NIPAL2: variants seen among roughly 807,000 people sequenced by gnomAD.
NIPAL2 encodes NIPA like domain containing 2.
NIPAL2 carries 43 observed loss-of-function variants against 48.9 expected under a neutral mutation model. The ratio of observed to expected loss-of-function variants is 0.88; its 90% confidence interval spans 0.69 to 1.13. NIPAL2 has a LOEUF of 1.13. NIPAL2 is among the 50% of genes most tolerant of loss of function. NIPAL2 has a pLI of 0.00. For synonymous variants in NIPAL2, 167 were observed against 174.6 expected, an observed-to-expected ratio of 0.96 and a Z score of 0.34; for missense variants, 446 against 461.4, an observed-to-expected ratio of 0.97 and a Z score of 0.31.
intron 1 of NIPAL2, among the ~76,000 whole-genome samples, chr8:98,273,631 T>C (rs191667117): frequency 4.6e-5 from 7 of 152,280 alleles, no homozygotes; most frequent in Admixed American, 3.9e-4. Flanking sequence ...GCTATTGCTA[T>C]TTCAGTCTCT....
intron 1 of NIPAL2, among the ~76,000 whole-genome samples, chr8:98,260,749 G>C (rs190508445): frequency 9.2e-5 from 14 of 152,224 alleles, no homozygotes; most frequent in Admixed American, 2.6e-4. Flanking sequence ...CAAAGCAGCC[G>C]GGAAGCTCCA....
At chr8:98,293,928 G>A in intron 1 of NIPAL2, 75 bp downstream of exon 1, 1 of 1,293,698 alleles carries the variant, frequency 7.7e-7, no homozygotes, top group Non-Finnish European at 9.9e-7. Flanking sequence ...AAGCGGCCGA[G>A]GCGCAGAGGC....
chr8:98,238,285 G>T (rs952633595), intron 3 of NIPAL2, among the ~76,000 whole-genome samples: 44 of 152,110 alleles, frequency 2.9e-4, no homozygotes, highest in African/African-American at 9.9e-4. Context: ...TAAAAGTACA[G>T]GAAAGAAAAG....
chr8:98,231,012 G>C (rs931134413), intron 4 of NIPAL2, among the ~76,000 whole-genome samples: 10 of 152,316 alleles, frequency 6.6e-5, no homozygotes, highest in African/African-American at 2.4e-4. Flanking sequence ...GACTGCAAGG[G>C]AAAGATTGCA....
At chr8:98,254,916 CCTT>C (rs1813788298) in intron 1 of NIPAL2, among the ~76,000 whole-genome samples, 1 of 152,244 alleles carries the variant, frequency 6.6e-6, no homozygotes, top group Admixed American at 6.5e-5. Context: ...AGGTACATCT[CCTT>C]GAGACCTCCT....
intron 9 of NIPAL2, 176 bp downstream of exon 9, chr8:98,195,766 A>G (rs1026589264): frequency 6.0e-6 from 3 of 499,098 alleles, no homozygotes; most frequent in South Asian, 2.1e-5. Flanking sequence ...TCACAAAGCC[A>G]AAGACGCTGA....
chr8:98,252,729 G>T, intron 2 of NIPAL2, 95 bp from the exon 3 acceptor site: 2 of 1,025,770 alleles, frequency 1.9e-6, no homozygotes, highest in African/African-American at 1.7e-5. Flanking sequence ...CTTTTTATAA[G>T]AACGCTAATT....
intron 4 of NIPAL2, among the ~76,000 whole-genome samples, chr8:98,230,571 A>T (rs1305773029): frequency 6.6e-6 from 1 of 152,184 alleles, no homozygotes; most frequent in East Asian, 1.9e-4. Context: ...TTTATATTGC[A>T]CTGAAGTAGT....
intron 1 of NIPAL2, among the ~76,000 whole-genome samples, chr8:98,258,983 T>C (rs1814086023): frequency 6.6e-6 from 1 of 151,444 alleles, no homozygotes; most frequent in African/African-American, 2.4e-5. Flanking sequence ...ATTTCTTGGC[T>C]ATGACACCAA....
At position 98,293,997 on chromosome 8, in the gene NIPAL2, C is replaced by G. The variant is rs1040921264; in HGVS notation, c.135+6G>C. The G allele has an allele frequency of 1.3e-6, 2 of 1,481,800 alleles. No individual in the cohort carries two copies. Among genetic ancestry groups the G allele is most frequent in the East Asian group, 3.0e-5 (1 of 33,500 alleles). The allele number at this position is 1,481,800 out of a possible 1,614,324, so 91.8% of individuals were successfully genotyped here. A position where few individuals can be genotyped will look rare whatever the true frequency, so the allele number is the denominator to read the frequency against. On this transcript the variant is annotated splice_donor_region_variant and intron_variant, in intron 1 of 10. Transcript: ENST00000430223. Reference sequence around the variant, plus strand: ...CGGGCTGCGGTGGCTGCGGGGCGGCCCTTACCTGGTTCCTGCGGTACCAGT... The same window carrying G: ...CGGGCTGCGGTGGCTGCGGGGCGGCGCTTACCTGGTTCCTGCGGTACCAGT...
chr8:98,260,919 C>A (rs1314366653), intron 1 of NIPAL2, among the ~76,000 whole-genome samples: 2 of 151,892 alleles, frequency 1.3e-5, no homozygotes, highest in Non-Finnish European at 2.9e-5. Context: ...TCCCAGCACG[C>A]AGCTGGAGAT....
chr8:98,196,613 T>C (rs909285962), intron 8 of NIPAL2, among the ~76,000 whole-genome samples: 2 of 152,260 alleles, frequency 1.3e-5, no homozygotes, highest in African/African-American at 2.4e-5. Context: ...ATCATCTACT[T>C]TGATGAACTT....
chr8:98,195,975 G>T lies in NIPAL2; in HGVS notation c.911C>A (p.Ala304Asp). The T allele has an allele frequency of 6.3e-7, 1 of 1,589,074 alleles. No individual in the cohort carries two copies. The highest frequency in any genetic ancestry group is 8.6e-7 in the Non-Finnish European group (1 of 1,161,746). Residue 304 changes from alanine (A) to aspartate (D), a missense_variant, in exon 9 of 11, where the codon GCT becomes GAT. Transcript: ENST00000430223. ...GIIFYQEFLG[A>D]PFLTVFIYLF... Reference sequence around the variant, plus strand: ...ATATATAAATACAGTGAGAAAAGGAGCACCAAGGAATTCCTGATAAAATAT... The same window carrying T: ...ATATATAAATACAGTGAGAAAAGGATCACCAAGGAATTCCTGATAAAATAT...
chr8:98,291,580 A>G (rs1816490729), intron 1 of NIPAL2, among the ~76,000 whole-genome samples: 1 of 152,218 alleles, frequency 6.6e-6, no homozygotes, highest in African/African-American at 2.4e-5. Flanking sequence ...TCACAGAAGG[A>G]AGAGTTTGGG....
intron 3 of NIPAL2, among the ~76,000 whole-genome samples, chr8:98,250,102 A>T (rs1454015520): frequency 6.6e-6 from 1 of 152,148 alleles, no homozygotes; most frequent in East Asian, 1.9e-4. Context: ...GGATTTTAAT[A>T]GTCTCTCTCT....
intron 1 of NIPAL2, among the ~76,000 whole-genome samples, chr8:98,264,861 C>T (rs1354273812): frequency 1.3e-5 from 2 of 152,026 alleles, no homozygotes; most frequent in Non-Finnish European, 2.9e-5. Flanking sequence ...GGAGGCATCA[C>T]ACTACCTGAC....
intron 8 of NIPAL2, among the ~76,000 whole-genome samples, chr8:98,199,689 C>A (rs971149678): frequency 1.3e-5 from 2 of 152,040 alleles, no homozygotes; most frequent in African/African-American, 4.8e-5. Flanking sequence ...TGAAATAATG[C>A]AAGAATTACT....
At chr8:98,202,210 A>C (rs1025284231) in intron 8 of NIPAL2, among the ~76,000 whole-genome samples, 8 of 152,230 alleles carry the variant, frequency 5.3e-5, no homozygotes, top group Non-Finnish European at 1.5e-5. Flanking sequence ...AGTAGTTTCT[A>C]TTCTTGTCTC....
At chr8:98,292,143 C>T (rs1816519713) in intron 1 of NIPAL2, among the ~76,000 whole-genome samples, 1 of 152,186 alleles carries the variant, frequency 6.6e-6, no homozygotes, top group African/African-American at 2.4e-5. Flanking sequence ...TAGCAACCAA[C>T]ATTCATTTTG....
Sources: allele counts gnomAD v4.1 joint callset (sites outside exome capture counted in the v4.1 genomes callset), GRCh38; gene constraint gnomAD v4.1.1; transcripts MANE v1.5; gene names NCBI Gene and HGNC (gene_info 2026-07-23, HGNC 2026-07-21).